LCLAT1: variants seen among roughly 807,000 people sequenced by gnomAD.
The protein encoded by LCLAT1 is 1-AGP acyltransferase 8.
In LCLAT1, 11 loss-of-function variants were observed where a neutral mutation model predicts 30.7. That is an observed-to-expected ratio of 0.36 (90% CI 0.23 to 0.59). LCLAT1 has a LOEUF of 0.59. Among genes scored for constraint, LCLAT1 ranks in the 20% least tolerant of loss-of-function variants. The probability of loss-of-function intolerance (pLI) is 0.77; values close to 1 mark genes in which losing one functional copy is unlikely to be tolerated. For missense variants in LCLAT1, 402 were observed against 458.6 expected (o/e 0.88, Z 1.13); for synonymous variants, 155 against 151.3 (o/e 1.02, Z -0.18).
chr2:30,503,841 A>G (rs1248822319), intron 1 of LCLAT1, among the ~76,000 whole-genome samples: 3 of 152,166 alleles, frequency 2.0e-5, no homozygotes, highest in Admixed American at 6.5e-5. Context: ...ATGTCTTTGC[A>G]TTTTGTCCTA....
At chr2:30,527,241 G>C (rs558386726) in intron 2 of LCLAT1, among the ~76,000 whole-genome samples, 3 of 152,176 alleles carry the variant, frequency 2.0e-5, no homozygotes, top group South Asian at 2.1e-4. Context: ...TTTAGTGTTT[G>C]TTTCATCATC....
chr2:30,465,492 T>C (rs1682373103), intron 1 of LCLAT1, among the ~76,000 whole-genome samples: 1 of 152,226 alleles, frequency 6.6e-6, no homozygotes, highest in South Asian at 2.1e-4. Context: ...ACAGCAGCGA[T>C]AGGAAACTAC....
chr2:30,581,556 T>C (rs1359276166), intron 5 of LCLAT1, among the ~76,000 whole-genome samples: 2 of 151,948 alleles, frequency 1.3e-5, no homozygotes, highest in Admixed American at 1.3e-4. Flanking sequence ...TGTAAGTATA[T>C]ACAATGGCGT....
chr2:30,614,875 A>G (rs1422244723), intron 5 of LCLAT1, among the ~76,000 whole-genome samples: 2 of 152,172 alleles, frequency 1.3e-5, no homozygotes, highest in African/African-American at 4.8e-5. Context: ...AGAAGACTTC[A>G]GAGTGGCCTG....
chr2:30,510,057 TAAC>T lies in LCLAT1; in HGVS notation c.-4-15526_-4-15524del, dbSNP rs1202421418. The stretch of plus-strand genomic sequence containing the variant: ...TGTTTAGTAGCAAGGATTTTGGTGA[TAAC>T]AACTTTCAGAGAGTCTTCCTTTTGT... On this transcript the variant is annotated intron_variant, in intron 1 of 5. Coordinates refer to ENST00000379509, the MANE Select transcript of LCLAT1 (RefSeq NM_001002257.3). Among the ~76,000 whole-genome samples the T allele has an allele frequency of 5.9e-5, 9 of 152,198 alleles. No homozygotes were observed. In the East Asian group the frequency reaches 1.5e-3, roughly 26 times the overall value.
At chr2:30,534,219 C>CTGTGTGTGTGTGTG (rs57380693) in intron 3 of LCLAT1, among the ~76,000 whole-genome samples, 3 of 130,504 alleles carry the variant, frequency 2.3e-5, no homozygotes, top group African/African-American at 5.8e-5. Flanking sequence ...AGTTGATTTA[C>CTGTGTGTGTGTGTG]TGTGTGTGTG....
At chr2:30,526,920 T>A (rs919929063) in intron 2 of LCLAT1, among the ~76,000 whole-genome samples, 2 of 152,222 alleles carry the variant, frequency 1.3e-5, no homozygotes, top group Non-Finnish European at 2.9e-5. Context: ...GTTACATTTT[T>A]AAATTAGCTT....
At chr2:30,569,859 T>G (rs1221317484) in intron 5 of LCLAT1, among the ~76,000 whole-genome samples, 1 of 152,194 alleles carries the variant, frequency 6.6e-6, no homozygotes, top group Non-Finnish European at 1.5e-5. Context: ...ATATTCATGT[T>G]GTATGTGATT....
At chr2:30,634,229 A>G (rs537374170) in intron 5 of LCLAT1, among the ~76,000 whole-genome samples, 9 of 152,368 alleles carry the variant, frequency 5.9e-5, no homozygotes, top group Admixed American at 1.3e-4. Context: ...TAAAATATTA[A>G]AATATGAAAC....
intron 2 of LCLAT1, among the ~76,000 whole-genome samples, chr2:30,528,272 A>T (rs142801014): frequency 6.6e-6 from 1 of 152,230 alleles, no homozygotes; most frequent in Admixed American, 6.5e-5. Context: ...ATCTGGAAGA[A>T]ATGCTGGTAT....
chr2:30,596,462 G>A (rs893210702), intron 5 of LCLAT1, among the ~76,000 whole-genome samples: 1 of 151,168 alleles, frequency 6.6e-6, no homozygotes, highest in Non-Finnish European at 1.5e-5. Flanking sequence ...GTCTGTTCAT[G>A]TCCCTTGCCC....
At position 30,621,647 on chromosome 2, in the gene LCLAT1, G is replaced by T. The variant is rs182825204; in HGVS notation, c.629-18470G>T. Among the ~76,000 whole-genome samples the T allele has an allele frequency of 2.0e-5, 3 of 152,270 alleles. No individual in the cohort carries two copies. The East Asian group carries it at 5.8e-4, about 29-fold the overall frequency. On this transcript the variant is annotated intron_variant, in intron 5 of 5. Transcript: ENST00000379509. Reference sequence around the variant, plus strand: ...AAAGTGTGAGAAGGGGAACCCGAAGGTCCAGATCTTGTGAGATGGATTTGA... The same window carrying T: ...AAAGTGTGAGAAGGGGAACCCGAAGTTCCAGATCTTGTGAGATGGATTTGA...
At chr2:30,467,475 A>G (rs1482109879) in intron 1 of LCLAT1, among the ~76,000 whole-genome samples, 1 of 152,222 alleles carries the variant, frequency 6.6e-6, no homozygotes, top group Non-Finnish European at 1.5e-5. Flanking sequence ...GCTGGGTCAA[A>G]TGGTATTTCT....
intron 5 of LCLAT1, among the ~76,000 whole-genome samples, chr2:30,609,394 C>T (rs986459494): frequency 6.6e-6 from 1 of 152,066 alleles, no homozygotes; most frequent in Non-Finnish European, 1.5e-5. Context: ...GAGTCCCTTA[C>T]ATGTGTTGTT....
At chr2:30,518,348 G>T (rs931730335) in intron 1 of LCLAT1, among the ~76,000 whole-genome samples, 3 of 152,134 alleles carry the variant, frequency 2.0e-5, no homozygotes, top group Non-Finnish European at 4.4e-5. Flanking sequence ...AACACAATGG[G>T]TATTCAGTAA....
At chr2:30,592,549 G>A (rs933344828) in intron 5 of LCLAT1, among the ~76,000 whole-genome samples, 1 of 152,152 alleles carries the variant, frequency 6.6e-6, no homozygotes, top group Non-Finnish European at 1.5e-5. Context: ...GATTGAAAAT[G>A]AATTATGTTG....
At chr2:30,486,323 T>G (rs1683554065) in intron 1 of LCLAT1, among the ~76,000 whole-genome samples, 1 of 152,234 alleles carries the variant, frequency 6.6e-6, no homozygotes, top group African/African-American at 2.4e-5. Flanking sequence ...AGAAGTTGAA[T>G]TATAACATTT....
At chr2:30,562,882 A>G (rs368748989) in intron 4 of LCLAT1, among the ~76,000 whole-genome samples, 1 of 152,024 alleles carries the variant, frequency 6.6e-6, no homozygotes, top group South Asian at 2.1e-4. Context: ...AACTAATTTC[A>G]GTTATTGTTG....
intron 5 of LCLAT1, among the ~76,000 whole-genome samples, chr2:30,593,922 CAAAA>C (rs35889899): frequency 7.4e-6 from 1 of 134,812 alleles, no homozygotes; most frequent in Admixed American, 7.4e-5. Context: ...GATCCTGTCT[CAAAA>C]AAAAAAAAAA....
Sources: allele counts gnomAD v4.1 joint callset (sites outside exome capture counted in the v4.1 genomes callset), GRCh38; gene constraint gnomAD v4.1.1; transcripts MANE v1.5; gene names NCBI Gene and HGNC (gene_info 2026-07-23, HGNC 2026-07-21).